The following RFX7 variants were observed in gnomAD, a reference collection of about 807,000 sequenced individuals.
RFX7 encodes regulatory factor X7.
In RFX7, 26 loss-of-function variants were observed where a neutral mutation model predicts 111.8. That is an observed-to-expected ratio of 0.23 (90% CI 0.17 to 0.32). The LOEUF (loss-of-function observed/expected upper bound fraction) is 0.32, where lower values mean the gene tolerates loss of function less well. Ranked by LOEUF, RFX7 falls within the 10% of genes least tolerant of loss-of-function variation. The pLI, the probability that RFX7 is intolerant of heterozygous loss-of-function variation, is 1.00. For missense variants in RFX7, 1,573 were observed against 1,772.9 expected (o/e 0.89, Z 2.02); for synonymous variants, 624 against 624.4 (o/e 1.00, Z 0.01).
intron 2 of RFX7, among the ~76,000 whole-genome samples, chr15:56,214,004 T>C (rs2043337984): frequency 6.6e-6 from 1 of 152,206 alleles, no homozygotes; most frequent in African/African-American, 2.4e-5. Context: ...CACCATTATA[T>C]AGCCCATTGC....
At chr15:56,124,653 C>G (rs1431532536) in intron 5 of RFX7, among the ~76,000 whole-genome samples, 1 of 152,228 alleles carries the variant, frequency 6.6e-6, no homozygotes, top group African/African-American at 2.4e-5. Context: ...ATTTGTACAC[C>G]ATCTTTTGAG....
At chr15:56,129,912 A>G (rs1268555950) in intron 5 of RFX7, among the ~76,000 whole-genome samples, 1 of 152,190 alleles carries the variant, frequency 6.6e-6, no homozygotes, top group African/African-American at 2.4e-5. Flanking sequence ...TACAATTTGT[A>G]AAGATTTTCC....
intron 2 of RFX7, among the ~76,000 whole-genome samples, chr15:56,225,643 C>T (rs1483413336): frequency 2.6e-5 from 4 of 152,152 alleles, no homozygotes; most frequent in African/African-American, 9.6e-5. Context: ...GTCTTTCTAG[C>T]TTAATTCCTC....
Position 56,096,923 on chromosome 15 carries a change from G to A in RFX7, c.1108-303C>T, listed in dbSNP as rs558975458. ...GAAACAATGATTTAAGGGGGTTACA[G>A]GAAGAAGACATAAAATCTTGAAGAA... On this transcript the variant is annotated intron_variant, in intron 9 of 9. Coordinates refer to ENST00000559447, the MANE Select transcript of RFX7 (RefSeq NM_022841.7). 3.3e-5 allele frequency among the ~76,000 whole-genome samples: 5 copies of A among 152,278 alleles called. No individual in the cohort carries two copies. The South Asian group carries it at 1.0e-3, about 32-fold the overall frequency.
intron 5 of RFX7, among the ~76,000 whole-genome samples, chr15:56,133,983 T>C (rs1300813017): frequency 3.9e-5 from 6 of 152,180 alleles, no homozygotes; most frequent in Non-Finnish European, 8.8e-5. Context: ...TGTAAACTAA[T>C]TCATACTCTG....
At chr15:56,228,963 G>A in intron 2 of RFX7, among the ~76,000 whole-genome samples, 1 of 152,028 alleles carries the variant, frequency 6.6e-6, no homozygotes, top group East Asian at 1.9e-4. Context: ...AGTAAAATAA[G>A]TAATTATAAT....
intron 5 of RFX7, among the ~76,000 whole-genome samples, chr15:56,116,694 T>C (rs1402923655): frequency 6.6e-6 from 1 of 152,096 alleles, no homozygotes; most frequent in Non-Finnish European, 1.5e-5. Flanking sequence ...ATCAGGGAAA[T>C]GCAAGTTAAA....
intron 3 of RFX7, among the ~76,000 whole-genome samples, chr15:56,147,444 C>G (rs1381764511): frequency 3.9e-5 from 6 of 152,152 alleles, no homozygotes. Context: ...TTAAAGGGTA[C>G]TGAGTTTCCT....
At chr15:56,185,695 A>C (rs1450115498) in intron 2 of RFX7, among the ~76,000 whole-genome samples, 2 of 152,118 alleles carry the variant, frequency 1.3e-5, no homozygotes, top group African/African-American at 4.8e-5. Context: ...ACTCTGCTGC[A>C]TATTAATTTT....
At chr15:56,103,256 T>C (rs2041783454) in intron 6 of RFX7, among the ~76,000 whole-genome samples, 1 of 150,692 alleles carries the variant, frequency 6.6e-6, no homozygotes, top group Admixed American at 6.7e-5. Context: ...ATGGCAGGCC[T>C]CAAAACTTCT....
chr15:56,206,838 A>G (rs1302217069), intron 2 of RFX7, among the ~76,000 whole-genome samples: 6 of 150,846 alleles, frequency 4.0e-5, no homozygotes, highest in Non-Finnish European at 7.4e-5. Flanking sequence ...GAGAGAGAAG[A>G]AGGATGGCTA....
chr15:56,129,151 G>T (rs2042181245), intron 5 of RFX7, among the ~76,000 whole-genome samples: 3 of 152,270 alleles, frequency 2.0e-5, no homozygotes, highest in Middle Eastern at 6.8e-3. Context: ...CGAAGTGGGT[G>T]TATCACTTGA....
At chr15:56,181,375 C>T (rs527299736) in intron 2 of RFX7, among the ~76,000 whole-genome samples, 6 of 152,284 alleles carry the variant, frequency 3.9e-5, no homozygotes, top group African/African-American at 1.2e-4. Flanking sequence ...CCCAGTCACT[C>T]GCTATAGCTC....
rs1482126723 is a variant in RFX7, at chr15:56,092,188, CTCTTCT to C, written c.*1151_*1156del. On this transcript the variant is annotated 3_prime_UTR_variant, in exon 10 of 10. Transcript: ENST00000559447. ...AATAAATTAAGCAAGTAATAAAATG[CTCTTCT>C]TCTTCAAGTACTATTGATATCCCCT... 1.3e-5 allele frequency: 2 copies of C among 152,506 alleles called. No homozygotes were observed. Among genetic ancestry groups the C allele is most frequent in the Admixed American group, 6.6e-5 (1 of 15,260 alleles). The allele number at this position is 152,506 out of a possible 1,614,324, so 9.4% of individuals were successfully genotyped here.
At chr15:56,156,671 T>C (rs1160539836) in intron 3 of RFX7, among the ~76,000 whole-genome samples, 1 of 152,242 alleles carries the variant, frequency 6.6e-6, no homozygotes, top group Non-Finnish European at 1.5e-5. Flanking sequence ...CTAAAACTTA[T>C]ACCAATTTAT....
chr15:56,235,930 T>G (rs1421871380), intron 2 of RFX7, among the ~76,000 whole-genome samples: 1 of 152,212 alleles, frequency 6.6e-6, no homozygotes, highest in Non-Finnish European at 1.5e-5. Flanking sequence ...CCATATGGAC[T>G]CATGCCTCCC....
At chr15:56,097,822 C>G (rs1380860090) in intron 9 of RFX7, among the ~76,000 whole-genome samples, 1 of 145,120 alleles carries the variant, frequency 6.9e-6, no homozygotes, top group East Asian at 2.1e-4. Flanking sequence ...AAATTACTCA[C>G]TCTTACATAA....
At position 56,095,850 on chromosome 15, in the gene RFX7, A is replaced by C; in HGVS notation, c.1878T>G (p.Val626=). ...TGGTGAAAGTTAAGTTCTGAGAAGC[A>C]ACTGATAGAGTGATAGTGCTTTGAT... ...GNNQSTITLS[V]ASQNLTFTSS... The change falls in exon 10 of 10, where the codon GTT becomes GTG. Residue 626 remains valine (V), a synonymous_variant. Transcript: ENST00000559447. 6.2e-7 allele frequency: 1 copy of C among 1,607,692 alleles called. No homozygotes were observed.
chr15:56,109,038 T>A (rs28673627), intron 5 of RFX7, among the ~76,000 whole-genome samples: 13 of 133,402 alleles, frequency 9.7e-5, no homozygotes, highest in Non-Finnish European at 1.9e-4. Context: ...TCCCTCTCCC[T>A]CTCCCACTCC....
Sources: gnomAD v4.1 joint callset for allele counts (sites outside exome capture counted in the v4.1 genomes callset) on GRCh38, gnomAD v4.1.1 for gene constraint, MANE v1.5 for transcripts, NCBI Gene and HGNC (gene_info 2026-07-23, HGNC 2026-07-21) for gene names.